Variants in EPHA6 observed in about 807,000 individuals in gnomAD.
The protein encoded by EPHA6 is ephrin type-A receptor 6.
In EPHA6, 50 loss-of-function variants were observed where a neutral mutation model predicts 112.0. That is an observed-to-expected ratio of 0.45 (90% CI 0.36 to 0.56). The LOEUF (loss-of-function observed/expected upper bound fraction) is 0.56. Among genes scored for constraint, EPHA6 ranks in the 20% least tolerant of loss-of-function variants. The pLI is 0.00. For synonymous variants in EPHA6, 529 were observed against 490.7 expected (o/e 1.08, Z -1.03); for missense variants, 1,280 against 1,417.4 (o/e 0.90, Z 1.56).
chr3:97,606,910 C>T (rs1463439934), intron 12 of EPHA6, among the ~76,000 whole-genome samples: 1 of 151,034 alleles, frequency 6.6e-6, no homozygotes, highest in Non-Finnish European at 1.5e-5. Flanking sequence ...GGCACTCTAA[C>T]TGTATTTTTT....
At chr3:97,226,226 A>G in intron 3 of EPHA6, 38 bp from the exon 4 acceptor site, 1 of 1,546,268 alleles carries the variant, frequency 6.5e-7, no homozygotes, top group Middle Eastern at 2.1e-4. Context: ...GAATCCTAGC[A>G]ATAATAACTA....
intron 13 of EPHA6, among the ~76,000 whole-genome samples, chr3:97,637,269 T>C (rs2093954509): frequency 6.6e-6 from 1 of 152,216 alleles, no homozygotes. Flanking sequence ...TAACAACTTT[T>C]CTGTCTTCCC....
chr3:97,335,202 A>G (rs1374583568), intron 5 of EPHA6, among the ~76,000 whole-genome samples: 1 of 152,150 alleles, frequency 6.6e-6, no homozygotes, highest in African/African-American at 2.4e-5. Flanking sequence ...TAGTGCCCTT[A>G]TAAGAAGAGA....
chr3:97,315,570 G>C (rs1185516707), intron 5 of EPHA6, among the ~76,000 whole-genome samples: 1 of 151,622 alleles, frequency 6.6e-6, no homozygotes, highest in African/African-American at 2.4e-5. Flanking sequence ...TAGGAGGCAT[G>C]TTATTTAGAT....
At chr3:97,732,138 A>C (rs2035063714) in intron 15 of EPHA6, among the ~76,000 whole-genome samples, 1 of 151,892 alleles carries the variant, frequency 6.6e-6, no homozygotes, top group Non-Finnish European at 1.5e-5. Context: ...ATCATGCCAA[A>C]TCATTCGTGA....
At chr3:97,297,665 A>G (rs2080923624) in intron 5 of EPHA6, among the ~76,000 whole-genome samples, 1 of 152,232 alleles carries the variant, frequency 6.6e-6, no homozygotes, top group South Asian at 2.1e-4. Context: ...AGCATTATAT[A>G]TGGCATACTA....
chr3:97,017,146 C>T (rs569602101), intron 3 of EPHA6, among the ~76,000 whole-genome samples: 1 of 152,278 alleles, frequency 6.6e-6, no homozygotes, highest in African/African-American at 2.4e-5. Context: ...AACCAAAAAT[C>T]AGGTGAGCAT....
chr3:97,484,550 A>G (rs2091649753), intron 10 of EPHA6, among the ~76,000 whole-genome samples: 1 of 152,214 alleles, frequency 6.6e-6, no homozygotes, highest in Non-Finnish European at 1.5e-5. Context: ...ACATTTTATT[A>G]TTCAACTATC....
chr3:97,362,307 G>C (rs9834291), intron 5 of EPHA6, among the ~76,000 whole-genome samples: 20,206 of 151,900 alleles, frequency 0.13, 4,166 homozygotes, highest in African/African-American at 0.44. Flanking sequence ...ATGAGCATGC[G>C]CACATGTGAA....
At chr3:97,646,226 C>T in intron 14 of EPHA6, 1 of 1,535,648 alleles carries the variant, frequency 6.5e-7, no homozygotes, top group Non-Finnish European at 8.7e-7. Flanking sequence ...CTGGACTGGT[C>T]CTCATGTGGA....
At chr3:97,441,847 G>A (rs2090148963) in intron 6 of EPHA6, among the ~76,000 whole-genome samples, 1 of 151,788 alleles carries the variant, frequency 6.6e-6, no homozygotes, top group South Asian at 2.1e-4. Context: ...AATTCTCTCG[G>A]AGTTTCTAAG....
intron 4 of EPHA6, among the ~76,000 whole-genome samples, chr3:97,236,026 A>G (rs978061105): frequency 5.3e-5 from 8 of 152,036 alleles, no homozygotes; most frequent in Admixed American, 4.6e-4. Context: ...TATATTTCAT[A>G]TCCTCTTAAC....
chr3:96,943,426 A>G (rs2041086081), intron 2 of EPHA6, among the ~76,000 whole-genome samples: 1 of 152,222 alleles, frequency 6.6e-6, no homozygotes, highest in Non-Finnish European at 1.5e-5. Flanking sequence ...ATTAAAAACA[A>G]ACAAAAACAC....
rs2077451427 is a variant in EPHA6, at chr3:97,196,711, TA to T, written c.1115-29551del. ...ACATTATGAGGCACACCAATCCCAA[TA>T]ATAGTGTGACTCTTTCAGAATCGTA... On this transcript the variant is annotated intron_variant, in intron 3 of 17. Coordinates refer to ENST00000389672, the MANE Select transcript of EPHA6 (RefSeq NM_001080448.3). 2.0e-5 allele frequency among the ~76,000 whole-genome samples: 3 copies of T among 152,016 alleles called. No homozygotes were observed. In the East Asian group the frequency reaches 5.9e-4, roughly 30 times the overall value.
In EPHA6 at chr3:97,313,963, A is replaced by G. The variant is rs1198070699; in HGVS notation, c.1606+69676A>G. On this transcript the variant is annotated intron_variant, in intron 5 of 17. Transcript: ENST00000389672. ...ATTCAAGAAATCATTGCCCAGACCA[A>G]TGTCATGGAGCTTTCTTCCTATGTT... 2.0e-5 allele frequency among the ~76,000 whole-genome samples: 3 copies of G among 151,670 alleles called. No homozygotes were observed. The East Asian group carries it at 5.8e-4, about 29-fold the overall frequency.
At chr3:97,525,203 C>T (rs918016179) in intron 10 of EPHA6, among the ~76,000 whole-genome samples, 4 of 152,060 alleles carry the variant, frequency 2.6e-5, no homozygotes, top group African/African-American at 7.2e-5. Flanking sequence ...TTTAATTCCT[C>T]TAATTAGCTA....
rs1553746481 is a variant in EPHA6 at position 97,324,527 on chromosome 3, T to TTTTTCTC, written c.1606+80241_1606+80242insTTTCTCT. On this transcript the variant is annotated intron_variant, in intron 5 of 17. Coordinates refer to ENST00000389672, the MANE Select transcript of EPHA6 (RefSeq NM_001080448.3). ...CATCTCTTTCTCTTTCTTTCTTTCT[T>TTTTTCTC]TCTTTCTCTCTTTCTCTCTTTCTTT... 2.8e-5 allele frequency among the ~76,000 whole-genome samples: 4 copies of TTTTTCTC among 142,026 alleles called. No homozygotes were observed. The East Asian group carries it at 8.3e-4, about 30-fold the overall frequency. 93.2% of individuals were successfully genotyped at this position (142,026 alleles called of 152,430 possible).
At chr3:96,984,133 T>G (rs1456251833) in intron 2 of EPHA6, among the ~76,000 whole-genome samples, 1 of 152,138 alleles carries the variant, frequency 6.6e-6, no homozygotes, top group African/African-American at 2.4e-5. Flanking sequence ...GGTGCTCTGG[T>G]TTTTAGAATT....
intron 4 of EPHA6, 139 bp downstream of exon 4, chr3:97,226,558 C>A: frequency 2.7e-6 from 2 of 748,794 alleles, no homozygotes; most frequent in Non-Finnish European, 4.2e-6. Context: ...AAGGAAAAAG[C>A]TTCTCTCTCT....
Sources: allele counts gnomAD v4.1 joint callset (sites outside exome capture counted in the v4.1 genomes callset), GRCh38; gene constraint gnomAD v4.1.1; transcripts MANE v1.5; gene names NCBI Gene and HGNC (gene_info 2026-07-23, HGNC 2026-07-21).